EPB41: variants seen among roughly 807,000 people sequenced by gnomAD.
EPB41 encodes the protein erythrocyte membrane protein band 4.1, also known as protein 4.1.
A neutral mutation model predicts 108.0 loss-of-function variants in EPB41; 65 were observed. The ratio of observed to expected loss-of-function variants is 0.60; its 90% CI spans 0.49 to 0.74. The LOEUF (loss-of-function observed/expected upper bound fraction) is 0.74. Ranked by LOEUF, EPB41 falls within the 30% of genes least tolerant of loss-of-function variation. EPB41 has a pLI of 0.00. For synonymous variants in EPB41, 336 were observed against 358.9 expected, an observed-to-expected ratio of 0.94 and a Z score of 0.72; for missense variants, 875 against 1,037.0, an observed-to-expected ratio of 0.84 and a Z score of 2.15.
chr1:29,115,375 G>A lies in EPB41; in HGVS notation c.2497-324G>A, dbSNP rs943512754. Among the ~76,000 whole-genome samples the A allele has an allele frequency of 4.6e-5, 7 of 151,900 alleles. No individual in the cohort carries two copies. The highest frequency in any genetic ancestry group is 1.2e-4 in the African/African-American group (5 of 41,346). On this transcript the variant is annotated intron_variant, in intron 19 of 20. Coordinates refer to ENST00000343067, the MANE Select transcript of EPB41 (RefSeq NM_001376013.1). The surrounding 1 kb of genome is among the most constrained non-coding windows in gnomAD (Gnocchi z 4.4). ...ACCATTGCACTCCAGCCTGGGTGAC[G>A]GAGCGAGACTCCATCTCAACAACAA... is the stretch of plus-strand genomic sequence containing the variant.
intron 4 of EPB41, among the ~76,000 whole-genome samples, chr1:28,999,392 C>CTTTT (rs1317614492): frequency 1.3e-5 from 2 of 151,858 alleles, no homozygotes; most frequent in Admixed American, 6.6e-5. Flanking sequence ...AAAGAAAATT[C>CTTTT]TCCCATGAAT....
chr1:29,107,272 C>T (rs1258906609), intron 17 of EPB41, among the ~76,000 whole-genome samples: 1 of 152,154 alleles, frequency 6.6e-6, no homozygotes, highest in East Asian at 1.9e-4. Context: ...CAAGGTTCCA[C>T]AGCTGGTTAC....
intron 1 of EPB41, among the ~76,000 whole-genome samples, chr1:28,919,476 T>A (rs2092919007): frequency 6.6e-6 from 1 of 152,136 alleles, no homozygotes; most frequent in Non-Finnish European, 1.5e-5. Context: ...TTTCTTTTTT[T>A]TTTTTGAGGC....
chr1:29,017,454 A>G (rs1348815362), intron 6 of EPB41, among the ~76,000 whole-genome samples: 1 of 152,204 alleles, frequency 6.6e-6, no homozygotes, highest in Non-Finnish European at 1.5e-5. Flanking sequence ...ACTGATGGAG[A>G]GAAAAGTGTC....
rs74065145 is a variant in EPB41, at chr1:28,889,932, A to G, written c.-8+2722A>G. 367 of 640,152 alleles carry G rather than the reference A, an allele frequency of 5.7e-4. 3 individuals are homozygous for G. In the African/African-American group the frequency reaches 6.5e-3, roughly 11 times the overall value. 39.7% of individuals were successfully genotyped at this position (640,152 alleles called of 1,614,324 possible). A position where few individuals can be genotyped will look rare whatever the true frequency, so the allele number is the denominator to read the frequency against. On this transcript the variant is annotated intron_variant, in intron 1 of 16. Coordinates refer to the EPB41 transcript ENST00000347529. ...CCTGAGATTTGTTAGGGGTTTGCAG[A>G]ATGGGCCTGTATGACAGTTCCTGGG... is the stretch of plus-strand genomic sequence containing the variant.
intron 17 of EPB41, among the ~76,000 whole-genome samples, chr1:29,105,682 T>G (rs1326192371): frequency 6.6e-6 from 1 of 152,032 alleles, no homozygotes; most frequent in Non-Finnish European, 1.5e-5. Context: ...TGATGGACAG[T>G]TGGATGAATT....
intron 4 of EPB41, among the ~76,000 whole-genome samples, chr1:28,999,757 G>A (rs992576704): frequency 1.3e-5 from 2 of 151,988 alleles, no homozygotes; most frequent in African/African-American, 4.8e-5. Flanking sequence ...ATTCTGTCCT[G>A]TCACCAAGTT....
chr1:29,114,504 G>C (rs1670223082), intron 19 of EPB41, among the ~76,000 whole-genome samples: 1 of 152,146 alleles, frequency 6.6e-6, no homozygotes, highest in Non-Finnish European at 1.5e-5. Context: ...TTAGCCAGAC[G>C]TGGTCACGGA....
At chr1:29,006,718 T>A (rs1226942251) in intron 4 of EPB41, among the ~76,000 whole-genome samples, 1 of 151,806 alleles carries the variant, frequency 6.6e-6, no homozygotes, top group Non-Finnish European at 1.5e-5. Context: ...CTGGGCGACA[T>A]AGTGAAACCC....
intron 1 of EPB41, among the ~76,000 whole-genome samples, chr1:28,937,030 C>G (rs114470902): frequency 3.3e-5 from 5 of 152,272 alleles, no homozygotes; most frequent in African/African-American, 1.2e-4. Context: ...TTCCTAAAGG[C>G]AGTGCATAAG....
At chr1:29,062,265 A>G (rs139614632) in intron 15 of EPB41, among the ~76,000 whole-genome samples, 209 of 152,256 alleles carry the variant, frequency 1.4e-3, no homozygotes, top group Middle Eastern at 0.01. Flanking sequence ...CTAAACATGC[A>G]TATTTCCTGA....
At chr1:28,967,233 T>C (rs761573718) in intron 1 of EPB41, among the ~76,000 whole-genome samples, 10 of 152,110 alleles carry the variant, frequency 6.6e-5, no homozygotes, top group Non-Finnish European at 1.5e-4. Context: ...TTAACCAGGA[T>C]GGTCTCGATT....
intron 1 of EPB41, among the ~76,000 whole-genome samples, chr1:28,898,644 G>A (rs981496377): frequency 9.2e-5 from 14 of 152,152 alleles, no homozygotes; most frequent in African/African-American, 3.1e-4. Context: ...CTGGCAGCCC[G>A]TTCTAGCCAA....
chr1:28,894,783 T>C (rs1262779872), intron 1 of EPB41, among the ~76,000 whole-genome samples: 1 of 152,084 alleles, frequency 6.6e-6, no homozygotes, highest in African/African-American at 2.4e-5. Flanking sequence ...GGGAAGGAGT[T>C]GATGAGAAGA....
At chr1:29,048,504 C>T (rs1268293999) in intron 11 of EPB41, among the ~76,000 whole-genome samples, 1 of 152,194 alleles carries the variant, frequency 6.6e-6, no homozygotes, top group Non-Finnish European at 1.5e-5. Flanking sequence ...AGCCACCGCG[C>T]CCGGCCTATT....
intron 1 of EPB41, among the ~76,000 whole-genome samples, chr1:28,905,974 T>A (rs203294): frequency 6.6e-6 from 1 of 151,870 alleles, no homozygotes; most frequent in Admixed American, 6.6e-5. Context: ...CCCACCACCA[T>A]GCCTGGCTAA....
At chr1:28,941,540 A>G (rs1315883488) in intron 1 of EPB41, among the ~76,000 whole-genome samples, 2 of 152,250 alleles carry the variant, frequency 1.3e-5, no homozygotes, top group East Asian at 3.8e-4. Context: ...CCTAAGCTGT[A>G]GTACTGATTT....
intron 1 of EPB41, among the ~76,000 whole-genome samples, chr1:28,915,041 G>A (rs955592126): frequency 7.4e-5 from 8 of 108,052 alleles, no homozygotes; most frequent in Non-Finnish European, 1.4e-4. Flanking sequence ...AGTTAGGCTT[G>A]AGATGTATTT....
chr1:28,892,471 C>A (rs1449303308), intron 1 of EPB41, among the ~76,000 whole-genome samples: 2 of 152,112 alleles, frequency 1.3e-5, no homozygotes, highest in African/African-American at 2.4e-5. Flanking sequence ...CCTATAATCC[C>A]AGCACTTTGG....
Sources: gnomAD v4.1 joint callset for allele counts (sites outside exome capture counted in the v4.1 genomes callset) on GRCh38, gnomAD v4.1.1 for gene constraint, Gnocchi (gnomAD v3.1) non-coding constraint, MANE v1.5 for transcripts, NCBI Gene and HGNC (gene_info 2026-07-23, HGNC 2026-07-21) for gene names.